Variants in RNF220 observed in about 807,000 individuals in gnomAD.
The protein encoded by RNF220 is E3 ubiquitin-protein ligase RNF220.
A neutral mutation model predicts 67.1 loss-of-function variants in RNF220; 7 were observed. The observed-to-expected ratio is 0.10, with a 90% CI of 0.06 to 0.20. The LOEUF (loss-of-function observed/expected upper bound fraction) is 0.20, where lower values mean the gene tolerates loss of function less well. Ranked by LOEUF, RNF220 falls within the 10% of genes least tolerant of loss-of-function variation. The probability of loss-of-function intolerance (pLI) is 1.00; values close to 1 mark genes in which losing one functional copy is unlikely to be tolerated. For missense variants in RNF220, 565 were observed against 740.3 expected, an observed-to-expected ratio of 0.76 and a Z score of 2.75; for synonymous variants, 270 against 283.2, an observed-to-expected ratio of 0.95 and a Z score of 0.47.
At chr1:44,524,273 A>AGG (rs1660181397) in intron 2 of RNF220, among the ~76,000 whole-genome samples, 1 of 152,060 alleles carries the variant, frequency 6.6e-6, no homozygotes, top group South Asian at 2.1e-4. Flanking sequence ...TCTGCTGGCC[A>AGG]GATAATTAGT....
At chr1:44,470,013 C>T (rs1034098705) in intron 2 of RNF220, among the ~76,000 whole-genome samples, 1 of 132,368 alleles carries the variant, frequency 7.6e-6, no homozygotes, top group Non-Finnish European at 1.6e-5. Context: ...TGATCAGAGT[C>T]ACATTTGAAA....
intron 2 of RNF220, among the ~76,000 whole-genome samples, chr1:44,586,786 G>A (rs1335428534): frequency 6.6e-6 from 1 of 152,230 alleles, no homozygotes. Context: ...TGCTGAGGAT[G>A]GAGAGAAGTG....
At chr1:44,576,333 C>T (rs1420965325) in intron 2 of RNF220, among the ~76,000 whole-genome samples, 2 of 152,148 alleles carry the variant, frequency 1.3e-5, no homozygotes, top group African/African-American at 4.8e-5. Flanking sequence ...GTCACAAGTT[C>T]ACCACTTGAA....
chr1:44,413,130 C>T (rs1178995057), intron 2 of RNF220, among the ~76,000 whole-genome samples: 3 of 152,184 alleles, frequency 2.0e-5, no homozygotes, highest in Non-Finnish European at 2.9e-5. Flanking sequence ...TGTCTGATCT[C>T]AGTGTTATTT....
At chr1:44,538,960 C>T (rs1280360151) in intron 2 of RNF220, among the ~76,000 whole-genome samples, 2 of 149,066 alleles carry the variant, frequency 1.3e-5, no homozygotes, top group Non-Finnish European at 3.0e-5. Context: ...GTGGATCATG[C>T]CTATAATCCC....
intron 2 of RNF220, among the ~76,000 whole-genome samples, chr1:44,422,070 G>A (rs997164345): frequency 1.3e-5 from 2 of 152,190 alleles, no homozygotes; most frequent in Admixed American, 6.5e-5. Context: ...CTCCCTCTCT[G>A]TCCTCAGCCC....
chr1:44,420,630 G>A (rs1027934665), intron 2 of RNF220, among the ~76,000 whole-genome samples: 1 of 152,166 alleles, frequency 6.6e-6, no homozygotes, highest in Admixed American at 6.5e-5. Context: ...CAGATCAAAG[G>A]TGGGGAGGCA....
At chr1:44,431,196 T>A (rs1254593468) in intron 2 of RNF220, among the ~76,000 whole-genome samples, 1 of 152,094 alleles carries the variant, frequency 6.6e-6, no homozygotes, top group Non-Finnish European at 1.5e-5. Context: ...TGAAGGTAGT[T>A]TAAAAATGAA....
rs143058666 is a variant in RNF220, at chr1:44,522,485, G to A, written c.626-91680G>A. 4.9e-4 allele frequency among the ~76,000 whole-genome samples: 75 copies of A among 152,312 alleles called. 1 individual carries two copies. The East Asian group carries it at 0.013, about 25-fold the overall frequency. On this transcript the variant is annotated intron_variant, in intron 2 of 14. Transcript: ENST00000361799. ...AGAAGACTTCTTGAAGGGGGTAAAA[G>A]TCGAACTGGTCACTTAAGGACTGGA...
chr1:44,552,661 C>T (rs1187656358), intron 2 of RNF220, among the ~76,000 whole-genome samples: 1 of 150,112 alleles, frequency 6.7e-6, no homozygotes, highest in East Asian at 2.0e-4. Flanking sequence ...AGCTCCGCCT[C>T]CCGGGTTCAC....
intron 2 of RNF220, among the ~76,000 whole-genome samples, chr1:44,418,880 A>G (rs541597757): frequency 6.6e-6 from 1 of 152,272 alleles, no homozygotes; most frequent in Non-Finnish European, 1.5e-5. Context: ...TAATGGAGTT[A>G]TATTTTTATA....
At chr1:44,497,125 T>G (rs1391568152) in intron 2 of RNF220, among the ~76,000 whole-genome samples, 1 of 152,154 alleles carries the variant, frequency 6.6e-6, no homozygotes, top group Non-Finnish European at 1.5e-5. Context: ...ACGGTTACAC[T>G]AGTGTCCCCT....
chr1:44,474,369 T>A (rs904400802), intron 2 of RNF220, among the ~76,000 whole-genome samples: 2 of 140,430 alleles, frequency 1.4e-5, no homozygotes, highest in African/African-American at 5.3e-5. Flanking sequence ...AGCGAGACTC[T>A]GTCTCCAAAA....
chr1:44,525,429 C>T (rs1313277168), intron 2 of RNF220, among the ~76,000 whole-genome samples: 1 of 152,208 alleles, frequency 6.6e-6, no homozygotes, highest in Non-Finnish European at 1.5e-5. Context: ...GTTGAATGAA[C>T]CAACCAACAA....
At chr1:44,549,887 G>A (rs1662484878) in intron 2 of RNF220, among the ~76,000 whole-genome samples, 1 of 152,176 alleles carries the variant, frequency 6.6e-6, no homozygotes, top group South Asian at 2.1e-4. Context: ...AGAAGTAGCA[G>A]GACATTGTTT....
chr1:44,470,493 C>G (rs893247216), intron 2 of RNF220, among the ~76,000 whole-genome samples: 1 of 152,168 alleles, frequency 6.6e-6, no homozygotes, highest in Non-Finnish European at 1.5e-5. Context: ...ACACACAATT[C>G]CCCCTTCTTC....
chr1:44,425,627 G>A (rs1183358775), intron 2 of RNF220, among the ~76,000 whole-genome samples: 1 of 152,178 alleles, frequency 6.6e-6, no homozygotes, highest in African/African-American at 2.4e-5. Context: ...TTTACTAGCC[G>A]TGTGATGCTG....
chr1:44,459,327 T>C lies in RNF220; in HGVS notation c.625+46605T>C, dbSNP rs1179436148. Among the ~76,000 whole-genome samples, 3 of 152,134 alleles carry C rather than the reference T, an allele frequency of 2.0e-5. No homozygotes were observed. The East Asian group carries it at 5.8e-4, about 29-fold the overall frequency. On this transcript the variant is annotated intron_variant, in intron 2 of 14. Coordinates refer to ENST00000361799, the MANE Select transcript of RNF220 (RefSeq NM_018150.4). ...CCATTTCTTCCCAACCTCTCAGCCT[T>C]CTCCCAGAATTACTTCCTTTCCTAC... is the stretch of plus-strand genomic sequence containing the variant.
chr1:44,494,544 G>A (rs1657158521), intron 2 of RNF220, among the ~76,000 whole-genome samples: 1 of 151,432 alleles, frequency 6.6e-6, no homozygotes, highest in Non-Finnish European at 1.5e-5. Flanking sequence ...AAATGAATGA[G>A]ACAGCTGTTT....
Sources: allele counts gnomAD v4.1 joint callset (sites outside exome capture counted in the v4.1 genomes callset), GRCh38; gene constraint gnomAD v4.1.1; transcripts MANE v1.5; gene names NCBI Gene and HGNC (gene_info 2026-07-23, HGNC 2026-07-21).